MMRN2: variants seen among roughly 807,000 people sequenced by gnomAD.
MMRN2 encodes multimerin 2.
In MMRN2, 53 loss-of-function variants were observed where a neutral mutation model predicts 68.8. The observed-to-expected ratio is 0.77, with a 90% CI of 0.62 to 0.97. The LOEUF (loss-of-function observed/expected upper bound fraction) is 0.97. MMRN2 is among the 50% of genes least tolerant of loss of function. The pLI is 0.00. For missense variants in MMRN2, 1,266 were observed against 1,259.5 expected, an observed-to-expected ratio of 1.01 and a Z score of -0.08; for synonymous variants, 564 against 551.6, an observed-to-expected ratio of 1.02 and a Z score of -0.32.
chr10:86,937,468 G>C (rs755300570), intron 6 of MMRN2, among the ~76,000 whole-genome samples: 1 of 141,090 alleles, frequency 7.1e-6, no homozygotes, highest in Non-Finnish European at 1.5e-5. Context: ...TTTTTTTAAC[G>C]TAGAGATGGA....
chr10:86,945,631 C>G lies in MMRN2; in HGVS notation c.223G>C (p.Glu75Gln). ...LVTLLALCKT[E>Q]KFLIHSQQPC... is the part of the protein sequence containing the mutation. ...TGCTGCGAGTGGATGAGGAATTTCT[C>G]TGTTTTGCAAAGAGCTAGTAAGGTG... The change falls in exon 2 of 7, where the codon GAG becomes CAG. Residue 75 changes from glutamate to glutamine, a missense_variant. Coordinates refer to ENST00000372027, the MANE Select transcript of MMRN2 (RefSeq NM_024756.3). The G allele has an allele frequency of 8.1e-6, 13 of 1,614,062 alleles. No individual in the cohort carries two copies. Among genetic ancestry groups the G allele is most frequent in the Non-Finnish European group, 1.0e-5 (12 of 1,180,010 alleles).
chr10:86,952,405 G>A (rs1419307857), intron 1 of MMRN2, among the ~76,000 whole-genome samples: 1 of 152,198 alleles, frequency 6.6e-6, no homozygotes, highest in Non-Finnish European at 1.5e-5. Context: ...AGTATTGGGG[G>A]AACCCACTCC....
At position 86,936,147 on chromosome 10, in the gene MMRN2, T is replaced by A. The variant is rs769811911; in HGVS notation, c.*596A>T. On this transcript the variant is annotated 3_prime_UTR_variant, in exon 7 of 7. Coordinates refer to ENST00000372027, the MANE Select transcript of MMRN2 (RefSeq NM_024756.3). ...TTTAGGTGGGGGCACAGCTAAACCA[T>A]ATCCTACAAGGAATGACTGAAACTA... 6.0e-6 allele frequency: 2 copies of A among 334,492 alleles called. No individual in the cohort carries two copies. Among genetic ancestry groups the A allele is most frequent in the Non-Finnish European group, 1.1e-5 (2 of 186,100 alleles). 20.7% of individuals were successfully genotyped at this position (334,492 alleles called of 1,614,324 possible).
chr10:86,950,851 G>C (rs915637981), intron 1 of MMRN2, among the ~76,000 whole-genome samples: 5 of 152,160 alleles, frequency 3.3e-5, no homozygotes, highest in Non-Finnish European at 5.9e-5. Flanking sequence ...GGGCAAAAAA[G>C]TTTCACAGTT....
intron 1 of MMRN2, among the ~76,000 whole-genome samples, chr10:86,948,103 G>A (rs140813284): frequency 0.028 from 4,265 of 152,028 alleles, 88 homozygotes; most frequent in South Asian, 0.05. Flanking sequence ...GCGCATGCCT[G>A]TAGTCCCAGC....
At chr10:86,953,768 C>A (rs1289533528) in intron 1 of MMRN2, among the ~76,000 whole-genome samples, 3 of 152,274 alleles carry the variant, frequency 2.0e-5, no homozygotes, top group Non-Finnish European at 4.4e-5. Context: ...TTGCAAACCT[C>A]TGACCTACTG....
intron 4 of MMRN2, among the ~76,000 whole-genome samples, chr10:86,944,841 C>A (rs528105175): frequency 3.3e-4 from 50 of 152,354 alleles, no homozygotes; most frequent in African/African-American, 1.2e-3. Context: ...AGACCAAGGA[C>A]AGCATGACTT....
intron 1 of MMRN2, among the ~76,000 whole-genome samples, chr10:86,950,237 A>T (rs1247938255): frequency 2.9e-5 from 4 of 136,488 alleles, no homozygotes; most frequent in African/African-American, 1.1e-4. Context: ...GCTACTTGGG[A>T]GGCTGAGGCA....
At chr10:86,938,089 CATG>C (rs1843906301) in intron 6 of MMRN2, among the ~76,000 whole-genome samples, 1 of 152,152 alleles carries the variant, frequency 6.6e-6, no homozygotes, top group African/African-American at 2.4e-5. Flanking sequence ...CATACGCCAT[CATG>C]CCTGGCTAAT....
Position 86,957,492 on chromosome 10 carries a change from A to C in MMRN2, c.50T>G (p.Leu17Arg). 6.2e-7 allele frequency: 1 copy of C among 1,613,128 alleles called. No individual in the cohort carries two copies. Among genetic ancestry groups the C allele is most frequent in the Non-Finnish European group, 8.5e-7 (1 of 1,179,942 alleles). The change falls in exon 1 of 7, where the codon CTG becomes CGG. Residue 17 changes from leucine to arginine, a missense_variant. Coordinates refer to ENST00000372027, the MANE Select transcript of MMRN2 (RefSeq NM_024756.3). ...FSLGGPLGWG[L>R]LGAWAQASST... ...GGAAGCCTGGGCCCATGCCCCCAGCAGCCCCCAGCCCAGGGGGCCCCCAAG... is the reference window on the plus strand; with the variant it reads ...GGAAGCCTGGGCCCATGCCCCCAGCCGCCCCCAGCCCAGGGGGCCCCCAAG...
chr10:86,950,256 G>A (rs922430706), intron 1 of MMRN2, among the ~76,000 whole-genome samples: 8 of 111,038 alleles, frequency 7.2e-5, no homozygotes, highest in Non-Finnish European at 1.4e-4. Flanking sequence ...CAGAAGAATC[G>A]CTTGACCCGG....
chr10:86,941,848 A>AC (rs1231231772), intron 6 of MMRN2, among the ~76,000 whole-genome samples: 5 of 129,340 alleles, frequency 3.9e-5, no homozygotes, highest in African/African-American at 1.4e-4. Context: ...CAAAAAAAAA[A>AC]CTAAAATCAT....
In MMRN2 at chr10:86,943,560, G is replaced by C. The variant is rs771051131; in HGVS notation, c.1224C>G (p.His408Gln). 5.0e-6 allele frequency: 8 copies of C among 1,614,032 alleles called. No individual in the cohort carries two copies. The South Asian group carries it at 7.7e-5, about 16-fold the overall frequency. Residue 408 changes from histidine (H) to glutamine (Q), a missense_variant, in exon 6 of 7, where the codon CAC becomes CAG. Coordinates refer to ENST00000372027, the MANE Select transcript of MMRN2 (RefSeq NM_024756.3). This position sits in a 1 kb window ranked among gnomAD's most constrained non-coding sequence, Gnocchi z 4.2. Reference sequence around the variant, plus strand: ...AGTACAGTTCCTTGATCTCATCCACGTGCCGGGTCAGGGTGGCCCTCATGT... The same window carrying C: ...AGTACAGTTCCTTGATCTCATCCACCTGCCGGGTCAGGGTGGCCCTCATGT... Reference protein sequence around the residue: ...LEDMRATLTRHVDEIKELYSE... With the variant: ...LEDMRATLTRQVDEIKELYSE...
At chr10:86,946,282 G>C (rs1844068158) in intron 1 of MMRN2, among the ~76,000 whole-genome samples, 1 of 152,230 alleles carries the variant, frequency 6.6e-6, no homozygotes, top group African/African-American at 2.4e-5. Context: ...CCTGGCTCCT[G>C]ACAAGCGTTC....
At chr10:86,940,065 T>A (rs1164493843) in intron 6 of MMRN2, among the ~76,000 whole-genome samples, 1 of 148,064 alleles carries the variant, frequency 6.8e-6, no homozygotes, top group Non-Finnish European at 1.5e-5. Flanking sequence ...CAGGCTGGAG[T>A]GCAGTGGCGC....
chr10:86,938,888 C>G (rs1397144469), intron 6 of MMRN2, among the ~76,000 whole-genome samples: 1 of 152,228 alleles, frequency 6.6e-6, no homozygotes, highest in East Asian at 1.9e-4. Context: ...ATCAGCCGGG[C>G]GCAGTGGCTC....
rs560025551 is a variant in MMRN2 at position 86,936,476 on chromosome 10, G to A, written c.*267C>T. On this transcript the variant is annotated 3_prime_UTR_variant, in exon 7 of 7. Coordinates refer to ENST00000372027, the MANE Select transcript of MMRN2 (RefSeq NM_024756.3). ...GTGGTGAAGAGTTGGAGCCCAGGCC[G>A]TGCTGTCTGAGAAGGCATGCCAAGC... The A allele has an allele frequency of 4.4e-5, 24 of 551,474 alleles. No homozygotes were observed. Among genetic ancestry groups the A allele is most frequent in the South Asian group, 2.3e-4 (8 of 34,386 alleles). 34.2% of individuals were successfully genotyped at this position (551,474 alleles called of 1,614,324 possible).
rs138949406 is a variant in MMRN2, at chr10:86,942,465, C to T, written c.2319G>A (p.Leu773=). The change falls in exon 6 of 7, where the codon CTG becomes CTA. Residue 773 remains leucine, a synonymous_variant. Transcript: ENST00000372027. The part of the protein sequence containing the change: ...EANVSLDLGK[L]QTMLSRKGKK... ...TCCCTTTCCTGCTCAGCATGGTCTG[C>T]AGCTTCCCCAGGTCCAGGCTGACGT... The T allele has an allele frequency of 8.1e-5, 130 of 1,614,022 alleles. No homozygotes were observed. Among genetic ancestry groups the T allele is most frequent in the Non-Finnish European group, 1.1e-4 (124 of 1,180,032 alleles).
At chr10:86,945,889 C>T in intron 1 of MMRN2, 200 bp from the exon 2 acceptor site, 1 of 1,387,470 alleles carries the variant, frequency 7.2e-7, no homozygotes. Context: ...GCAAAGAGGG[C>T]ACCTGCTCCA....
Sources: allele counts gnomAD v4.1 joint callset (sites outside exome capture counted in the v4.1 genomes callset), GRCh38; gene constraint gnomAD v4.1.1; non-coding constraint Gnocchi (gnomAD v3.1); transcripts MANE v1.5; gene names NCBI Gene and HGNC (gene_info 2026-07-23, HGNC 2026-07-21).